Variants in YBX1 observed in about 807,000 individuals in gnomAD.
YBX1 encodes Y-box-binding protein 1.
Under a neutral mutation model 41.4 loss-of-function variants are expected in YBX1, and 3 were observed. The observed-to-expected ratio is 0.07, with a 90% CI of 0.03 to 0.19. The LOEUF (loss-of-function observed/expected upper bound fraction) is 0.19. Ranked by LOEUF, YBX1 falls within the 10% of genes least tolerant of loss-of-function variation. The pLI, the probability that YBX1 is intolerant of heterozygous loss-of-function variation, is 1.00. For missense variants in YBX1, 274 were observed against 462.8 expected (o/e 0.59, Z 3.74); for synonymous variants, 133 against 165.8 (o/e 0.80, Z 1.52).
chr1:42,689,650 G>A (rs1650282008), intron 2 of YBX1, among the ~76,000 whole-genome samples: 1 of 152,156 alleles, frequency 6.6e-6, no homozygotes, highest in African/African-American at 2.4e-5. Flanking sequence ...GTAGAGTCCG[G>A]GAGTTTGGAT....
chr1:42,699,192 T>G (rs1274267934), intron 6 of YBX1, among the ~76,000 whole-genome samples: 1 of 152,156 alleles, frequency 6.6e-6, no homozygotes, highest in Non-Finnish European at 1.5e-5. Flanking sequence ...AATGTTGACC[T>G]TTTGTTAGGA....
In YBX1 at chr1:42,682,573, G is replaced by C; in HGVS notation, c.8G>C (p.Ser3Thr). The change falls in exon 1 of 8, where the codon AGC becomes ACC. Residue 3 changes from serine to threonine, a missense_variant. Ser to Thr is a moderately conservative substitution (Grantham distance 58, BLOSUM62 1). Transcript: ENST00000321358. MS[S>T]EAETQQPPAA... The stretch of plus-strand genomic sequence containing the variant: ...GTCACCATCACCGCAACCATGAGCA[G>C]CGAGGCCGAGACCCAGCAGCCGCCC... 6.8e-7 allele frequency: 1 copy of C among 1,462,100 alleles called. No homozygotes were observed. Among genetic ancestry groups the C allele is most frequent in the Non-Finnish European group, 9.0e-7 (1 of 1,111,758 alleles). 90.6% of individuals were successfully genotyped at this position (1,462,100 alleles called of 1,614,324 possible).
intron 1 of YBX1, chr1:42,683,115 A>G (rs575102281): frequency 9.1e-5 from 53 of 584,682 alleles, no homozygotes; most frequent in African/African-American, 8.0e-4. Context: ...CCGCCTACGC[A>G]GGCCGGAGCG....
chr1:42,683,341 G>T (rs774197363), intron 1 of YBX1, 62 bp from the exon 2 acceptor site: 2 of 1,604,250 alleles, frequency 1.2e-6, no homozygotes, highest in African/African-American at 2.7e-5. Flanking sequence ...TGCCCAAGCC[G>T]GGCGGATTTG....
At chr1:42,683,187 G>A (rs1226454957) in intron 1 of YBX1, 2 of 663,786 alleles carry the variant, frequency 3.0e-6, no homozygotes, top group Non-Finnish European at 5.5e-6. Context: ...CCTGGGGCCC[G>A]CGCCCCGGGC....
chr1:42,695,526 G>A (rs561595591), intron 3 of YBX1, among the ~76,000 whole-genome samples: 2 of 152,318 alleles, frequency 1.3e-5, no homozygotes, highest in African/African-American at 2.4e-5. Flanking sequence ...TCATAGAAAC[G>A]TGAGATGTTA....
At chr1:42,692,813 C>T (rs1396572278) in intron 2 of YBX1, among the ~76,000 whole-genome samples, 2 of 152,194 alleles carry the variant, frequency 1.3e-5, no homozygotes, top group African/African-American at 4.8e-5. Flanking sequence ...TATTCTCTAC[C>T]CCCTCGCTTC....
rs1650111744 is a variant in YBX1, at chr1:42,683,463, A to G, written c.227A>G (p.Asn76Ser). Residue 76 changes from asparagine (N) to serine (S), a missense_variant, in exon 2 of 8, where the codon AAC becomes AGC. Around this residue, in one of 3 missense-constraint regions of YBX1, gnomAD observed 84 missense variants for 130.8 expected, o/e 0.64. Coordinates refer to ENST00000321358, the MANE Select transcript of YBX1 (RefSeq NM_004559.5). ...GTAAGGAACGGATATGGTTTCATCA[A>G]CAGGTGAGCTGCCGGGCTCTGAAGC... ...FNVRNGYGFI[N>S]RNDTKEDVFV... 1.9e-6 allele frequency: 3 copies of G among 1,613,370 alleles called. No individual in the cohort carries two copies. The highest frequency in any genetic ancestry group is 1.1e-5 in the South Asian group (1 of 91,046).
chr1:42,685,721 A>G lies in YBX1; in HGVS notation c.230+2255A>G, dbSNP rs145655405. 2.1e-4 allele frequency among the ~76,000 whole-genome samples: 32 copies of G among 152,326 alleles called. 2 individuals carry two copies. In the East Asian group the frequency reaches 6.2e-3, roughly 29 times the overall value. On this transcript the variant is annotated intron_variant, in intron 2 of 7. Transcript: ENST00000321358. ...GGGGTTTTTGGATGCGCTGGATTAT[A>G]TATGCTAGGATTGTAAGGAATTTTT... is the stretch of plus-strand genomic sequence containing the variant.
Position 42,701,106 on chromosome 1 carries a change from T to C in YBX1, c.*31+60T>C. The C allele has an allele frequency of 3.9e-6, 5 of 1,291,494 alleles. No homozygotes were observed. The South Asian group carries it at 4.0e-5, about 10-fold the overall frequency. The allele number at this position is 1,291,494 out of a possible 1,614,324, so 80.0% of individuals were successfully genotyped here. A position where few individuals can be genotyped will look rare whatever the true frequency, so the allele number is the denominator to read the frequency against. ...GTCGTGAGTGGTGACCATTTCGTTT[T>C]ATTAATGCAAGAGTAGAAAAACCTC... On this transcript the variant is annotated intron_variant, in intron 7 of 7. Transcript: ENST00000321358.
intron 7 of YBX1, 150 bp downstream of exon 7, chr1:42,701,196 A>G: frequency 1.5e-6 from 1 of 657,914 alleles, no homozygotes; most frequent in Non-Finnish European, 2.6e-6. Flanking sequence ...TAATTACCTA[A>G]TATTTCATTT....
rs1339247254 is a variant in YBX1, at chr1:42,702,846, G to T, written c.*897G>T. ...TGGAAACAAGTAATATAAAACCCAT[G>T]GGAAAGCTGCTTAGGAACATGGAGG... is the stretch of plus-strand genomic sequence containing the variant. On this transcript the variant is annotated 3_prime_UTR_variant, in exon 8 of 8. Coordinates refer to ENST00000321358, the MANE Select transcript of YBX1 (RefSeq NM_004559.5). Among the ~76,000 whole-genome samples, 3 of 152,192 alleles carry T rather than the reference G, an allele frequency of 2.0e-5. No individual in the cohort carries two copies. Among genetic ancestry groups the T allele is most frequent in the Non-Finnish European group, 4.4e-5 (3 of 68,038 alleles).
intron 3 of YBX1, among the ~76,000 whole-genome samples, chr1:42,694,525 CA>C (rs1270165536): frequency 1.3e-5 from 2 of 152,150 alleles, no homozygotes; most frequent in Non-Finnish European, 2.9e-5. Flanking sequence ...TATCCATACT[CA>C]CATTTAATTA....
At chr1:42,684,320 T>G (rs1650138346) in intron 2 of YBX1, among the ~76,000 whole-genome samples, 1 of 152,240 alleles carries the variant, frequency 6.6e-6, no homozygotes, top group African/African-American at 2.4e-5. Context: ...GGGCATCATT[T>G]TCAAGATGGC....
At chr1:42,694,166 C>T (rs898230680) in intron 3 of YBX1, among the ~76,000 whole-genome samples, 3 of 151,928 alleles carry the variant, frequency 2.0e-5, no homozygotes, top group African/African-American at 7.3e-5. Flanking sequence ...GATTGGCTTC[C>T]AGTGATTTGG....
intron 2 of YBX1, among the ~76,000 whole-genome samples, chr1:42,684,235 C>T (rs1650135382): frequency 6.6e-6 from 1 of 152,220 alleles, no homozygotes; most frequent in Non-Finnish European, 1.5e-5. Context: ...AGGACTTACC[C>T]TTCGGGTTGT....
At chr1:42,686,001 G>A (rs533583328) in intron 2 of YBX1, among the ~76,000 whole-genome samples, 1 of 152,274 alleles carries the variant, frequency 6.6e-6, no homozygotes, top group Admixed American at 6.5e-5. Flanking sequence ...GAAATTCATT[G>A]AGTTATTCTT....
Position 42,703,339 on chromosome 1 carries a change from T to TA in YBX1, c.*1391dup, listed in dbSNP as rs1433400512. ...AACACTCCAGATCATCCTGGCCAGC[T>TA]ATCAGGGCCCAGGGGAAGCAGACAG... On this transcript the variant is annotated 3_prime_UTR_variant, in exon 8 of 8. Coordinates refer to ENST00000321358, the MANE Select transcript of YBX1 (RefSeq NM_004559.5). Among the ~76,000 whole-genome samples, 1 of 151,966 alleles carries TA rather than the reference T, an allele frequency of 6.6e-6. No homozygotes were observed. The highest frequency in any genetic ancestry group is 2.4e-5 in the African/African-American group (1 of 41,360).
chr1:42,682,892 G>C (rs1650075087), intron 1 of YBX1, 161 bp downstream of exon 1: 1 of 274,718 alleles, frequency 3.6e-6, no homozygotes, highest in African/African-American at 2.3e-5. Context: ...CTCTCGCGGG[G>C]ACCCGCCCGG....
Sources: allele counts gnomAD v4.1 joint callset (sites outside exome capture counted in the v4.1 genomes callset), GRCh38; gene constraint gnomAD v4.1.1; regional missense constraint gnomAD v4.1.1; transcripts MANE v1.5; gene names NCBI Gene and HGNC (gene_info 2026-07-23, HGNC 2026-07-21).